The following PSPC1 variants were observed in gnomAD, a reference collection of about 807,000 sequenced individuals.
PSPC1 encodes the protein paraspeckle protein 1.
A neutral mutation model predicts 51.6 loss-of-function variants in PSPC1; 14 were observed. The ratio of observed to expected loss-of-function variants is 0.27; its 90% CI spans 0.18 to 0.42. The LOEUF is 0.42. Ranked by LOEUF, PSPC1 falls within the 10% of genes least tolerant of loss-of-function variation. The pLI is 1.00. For missense variants in PSPC1, 406 were observed against 701.1 expected, an observed-to-expected ratio of 0.58 and a Z score of 4.75; for synonymous variants, 193 against 231.9, an observed-to-expected ratio of 0.83 and a Z score of 1.53.
chr13:19,674,732 G>C (rs1235392232), downstream of PSPC1: 1 of 152,046 alleles, frequency 6.6e-6, no homozygotes, highest in Non-Finnish European at 1.5e-5. Flanking sequence ...GAAAAACCTG[G>C]GTCACAAAAT....
rs994512923 is a variant in PSPC1 at position 19,759,434 on chromosome 13, A to C, written c.675-16T>G. 2.5e-6 allele frequency: 4 copies of C among 1,581,398 alleles called. No individual in the cohort carries two copies. The highest frequency in any genetic ancestry group is 3.5e-6 in the Non-Finnish European group (4 of 1,154,986). On this transcript the variant is annotated splice_polypyrimidine_tract_variant and intron_variant, in intron 2 of 8. Transcript: ENST00000338910. ...ACGAGGGGTCCTGGATAGGTATAAA[A>C]GCATTCATAAAAATTAACACAGTGC...
At chr13:19,701,473 G>C (rs1879896945), downstream of PSPC1, among the ~76,000 whole-genome samples, 1 of 151,930 alleles carries the variant, frequency 6.6e-6, no homozygotes. Flanking sequence ...AATAGTCTTT[G>C]ACTATTATTT....
At chr13:19,771,727 T>C (rs1488193445) in intron 2 of PSPC1, among the ~76,000 whole-genome samples, 2 of 151,964 alleles carry the variant, frequency 1.3e-5, no homozygotes, top group Non-Finnish European at 2.9e-5. Flanking sequence ...GTCAAGTGAT[T>C]CTTGAGCCTC....
chr13:19,765,734 T>A (rs1888012272), intron 2 of PSPC1, among the ~76,000 whole-genome samples: 1 of 151,918 alleles, frequency 6.6e-6, no homozygotes, highest in Non-Finnish European at 1.5e-5. Context: ...GAAATATCAA[T>A]CTTTACAAAA....
intron 1 of PSPC1, among the ~76,000 whole-genome samples, chr13:19,776,666 A>G (rs1183766120): frequency 6.6e-6 from 1 of 151,634 alleles, no homozygotes; most frequent in Non-Finnish European, 1.5e-5. Flanking sequence ...TGCAACCACA[A>G]TTGGCTAATT....
chr13:19,778,632 C>G, intron 1 of PSPC1, among the ~76,000 whole-genome samples: 1 of 128,030 alleles, frequency 7.8e-6, no homozygotes, highest in South Asian at 3.1e-4. Context: ...CTCGGCCTCC[C>G]GAGGTGCCGG....
chr13:19,773,382 T>C (rs936454515), intron 1 of PSPC1, among the ~76,000 whole-genome samples: 2 of 151,340 alleles, frequency 1.3e-5, no homozygotes, highest in Admixed American at 6.6e-5. Flanking sequence ...CCCAAGTAGC[T>C]GGGATTACAG....
intron 3 of PSPC1, among the ~76,000 whole-genome samples, chr13:19,755,732 C>T (rs1222952124): frequency 2.0e-5 from 3 of 152,136 alleles, no homozygotes; most frequent in African/African-American, 7.2e-5. Flanking sequence ...CCTTCTCAGT[C>T]GTTATTGATT....
At chr13:19,706,940 T>C (rs902232280) in intron 7 of PSPC1, among the ~76,000 whole-genome samples, 1 of 152,136 alleles carries the variant, frequency 6.6e-6, no homozygotes, top group African/African-American at 2.4e-5. Flanking sequence ...ATTTCCTTCA[T>C]CCCCAAATGC....
chr13:19,762,222 G>A (rs1043197598), intron 2 of PSPC1, among the ~76,000 whole-genome samples: 1 of 152,178 alleles, frequency 6.6e-6, no homozygotes, highest in African/African-American at 2.4e-5. Flanking sequence ...ATATCATCTT[G>A]CTCCTACAAT....
intron 6 of PSPC1, among the ~76,000 whole-genome samples, chr13:19,693,987 G>A (rs1878874762): frequency 6.6e-6 from 1 of 151,738 alleles, no homozygotes; most frequent in African/African-American, 2.4e-5. Context: ...GCCGGGTGTG[G>A]TGGCGGGCGC....
At chr13:19,697,640 G>T (rs933953794), downstream of PSPC1, among the ~76,000 whole-genome samples, 2 of 152,078 alleles carry the variant, frequency 1.3e-5, no homozygotes, top group Non-Finnish European at 2.9e-5. Flanking sequence ...TCAACTCAAA[G>T]AATTAACATA....
chr13:19,709,854 T>C (rs1490017479), intron 6 of PSPC1, among the ~76,000 whole-genome samples: 1 of 150,772 alleles, frequency 6.6e-6, no homozygotes, highest in Non-Finnish European at 1.5e-5. Context: ...ATATAAAATA[T>C]ATCACAAATT....
chr13:19,699,077 T>A (rs1879602213), downstream of PSPC1, among the ~76,000 whole-genome samples: 1 of 152,006 alleles, frequency 6.6e-6, no homozygotes, highest in Non-Finnish European at 1.5e-5. Flanking sequence ...GGTAAGCCTT[T>A]AAACACTGTC....
At chr13:19,727,405 TAA>T (rs543334319) in intron 6 of PSPC1, among the ~76,000 whole-genome samples, 1 of 138,780 alleles carries the variant, frequency 7.2e-6, no homozygotes, top group Admixed American at 7.3e-5. Flanking sequence ...AATAAATAAA[TAA>T]AAAAAAAAAG....
intron 6 of PSPC1, among the ~76,000 whole-genome samples, chr13:19,729,704 A>G (rs996930059): frequency 4.6e-5 from 7 of 152,092 alleles, no homozygotes; most frequent in Non-Finnish European, 7.4e-5. Flanking sequence ...AGAGCTGACC[A>G]TTTTTAAAAT....
At chr13:19,736,254 G>C (rs1454156577) in intron 5 of PSPC1, among the ~76,000 whole-genome samples, 1 of 152,112 alleles carries the variant, frequency 6.6e-6, no homozygotes, top group Non-Finnish European at 1.5e-5. Context: ...GTATTTACTA[G>C]AATTTGGTCA....
chr13:19,759,222 T>C, intron 3 of PSPC1, 101 bp downstream of exon 3: 1 of 890,842 alleles, frequency 1.1e-6, no homozygotes. Context: ...TTACCCAGAT[T>C]ATATAAATAA....
At chr13:19,754,617 T>G (rs1310148295) in intron 3 of PSPC1, among the ~76,000 whole-genome samples, 1 of 150,774 alleles carries the variant, frequency 6.6e-6, no homozygotes, top group Non-Finnish European at 1.5e-5. Flanking sequence ...TTTTTGTATT[T>G]TTAGTAGAGA....
Sources: allele counts gnomAD v4.1 joint callset (sites outside exome capture counted in the v4.1 genomes callset), GRCh38; gene constraint gnomAD v4.1.1; transcripts MANE v1.5; gene names NCBI Gene and HGNC (gene_info 2026-07-23, HGNC 2026-07-21).